The following STOX2 variants were observed in gnomAD, a reference collection of about 807,000 sequenced individuals.
STOX2 encodes the protein storkhead-box protein 2.
In STOX2, 28 loss-of-function variants were observed where a neutral mutation model predicts 60.9. The ratio of observed to expected loss-of-function variants is 0.46; its 90% CI spans 0.34 to 0.63. The LOEUF is 0.63. STOX2 is among the 30% of genes least tolerant of loss of function. The pLI is 0.01. For missense variants in STOX2, 1,024 were observed against 1,187.7 expected (o/e 0.86, Z 2.03); for synonymous variants, 472 against 463.9 (o/e 1.02, Z -0.22).
chr4:183,962,575 G>T (rs74846114), intron 1 of STOX2, among the ~76,000 whole-genome samples: 2,003 of 152,214 alleles, frequency 0.013, 51 homozygotes, highest in African/African-American at 0.046. Context: ...TCAAACTAGC[G>T]TGAATCATTA....
At chr4:183,974,689 C>T (rs1234673855) in intron 1 of STOX2, among the ~76,000 whole-genome samples, 1 of 152,000 alleles carries the variant, frequency 6.6e-6, no homozygotes, top group Non-Finnish European at 1.5e-5. Flanking sequence ...ATGTACCTAA[C>T]AACAAAGTTT....
intron 1 of STOX2, among the ~76,000 whole-genome samples, chr4:183,893,712 G>T (rs1410597687): frequency 6.6e-6 from 1 of 151,574 alleles, no homozygotes; most frequent in Non-Finnish European, 1.5e-5. Flanking sequence ...GATTTTTCCT[G>T]TCTCCCCACT....
intron 1 of STOX2, among the ~76,000 whole-genome samples, chr4:183,889,191 T>G (rs1419007997): frequency 6.6e-6 from 1 of 151,914 alleles, no homozygotes; most frequent in Admixed American, 6.6e-5. Flanking sequence ...AGGACCTTAT[T>G]TGGAAATAGG....
intron 1 of STOX2, among the ~76,000 whole-genome samples, chr4:183,975,854 C>A (rs990826956): frequency 4.6e-5 from 7 of 152,148 alleles, no homozygotes; most frequent in Non-Finnish European, 7.4e-5. Flanking sequence ...CCAAACCAGA[C>A]AAAGTTAGTA....
intron 1 of STOX2, among the ~76,000 whole-genome samples, chr4:183,855,708 A>G (rs1262365831): frequency 2.0e-5 from 3 of 152,248 alleles, no homozygotes; most frequent in African/African-American, 4.8e-5. Context: ...CTAAGTAGGC[A>G]TAGTTGATTT....
chr4:183,966,336 A>G (rs763608627), intron 1 of STOX2, among the ~76,000 whole-genome samples: 6 of 152,276 alleles, frequency 3.9e-5, no homozygotes, highest in Non-Finnish European at 8.8e-5. Flanking sequence ...TTATGAATTT[A>G]GAATCTGCAT....
intron 1 of STOX2, among the ~76,000 whole-genome samples, chr4:183,928,299 C>T (rs575844764): frequency 6.6e-5 from 10 of 152,210 alleles, no homozygotes; most frequent in Admixed American, 5.2e-4. Context: ...TGCTTATAGC[C>T]CCCATGGTCT....
At chr4:183,929,241 G>T (rs1224273516) in intron 1 of STOX2, among the ~76,000 whole-genome samples, 1 of 152,208 alleles carries the variant, frequency 6.6e-6, no homozygotes, top group Non-Finnish European at 1.5e-5. Context: ...GAGACCAAAA[G>T]AGTTCAGAGC....
At position 183,906,899 on chromosome 4, in the gene STOX2, C is replaced by T. The variant is rs1466139193; in HGVS notation, c.109C>T (p.His37Tyr). 4 of 1,550,638 alleles carry T rather than the reference C, an allele frequency of 2.6e-6. No individual in the cohort carries two copies. Among genetic ancestry groups the T allele is most frequent in the Non-Finnish European group, 3.5e-6 (4 of 1,146,448 alleles). ...CCGCAGCGAGAAGGACTACCGCCTG[C>T]ACAAGCGTTTCCCCGCGGCCTTCGC... ...RSRSEKDYRL[H>Y]KRFPAAFAPQ... is the part of the protein sequence containing the mutation. Residue 37 changes from histidine to tyrosine, a missense_variant, in exon 1 of 4, where the codon CAC becomes TAC. Physicochemically the swap from His to Tyr is moderately conservative, Grantham distance 83. Around this residue, in one of 3 missense-constraint regions of STOX2, gnomAD observed 98 missense variants for 110.2 expected, o/e 0.89. Coordinates refer to ENST00000308497, the MANE Select transcript of STOX2 (RefSeq NM_020225.3).
intron 1 of STOX2, among the ~76,000 whole-genome samples, chr4:183,864,834 C>T (rs1740527406): frequency 6.6e-6 from 1 of 152,218 alleles, no homozygotes; most frequent in African/African-American, 2.4e-5. Flanking sequence ...TGTCCCACTA[C>T]CACTTCACTT....
At chr4:183,992,996 G>C (rs1249722423) in intron 1 of STOX2, among the ~76,000 whole-genome samples, 1 of 152,182 alleles carries the variant, frequency 6.6e-6, no homozygotes, top group Non-Finnish European at 1.5e-5. Context: ...TACCTTTTCT[G>C]CTATGCATCT....
chr4:183,833,046 G>A (rs1739612453), intron 1 of STOX2, among the ~76,000 whole-genome samples: 2 of 152,208 alleles, frequency 1.3e-5, no homozygotes, highest in Admixed American at 6.5e-5. Flanking sequence ...ACCAAATATG[G>A]ATTATCCATG....
intron 1 of STOX2, among the ~76,000 whole-genome samples, chr4:183,950,390 A>G (rs1218683371): frequency 1.3e-5 from 2 of 152,206 alleles, no homozygotes; most frequent in Non-Finnish European, 2.9e-5. Context: ...AGGAAATAAA[A>G]CAGGCTGCTA....
At chr4:183,824,667 G>A (rs542514609) in intron 1 of STOX2, among the ~76,000 whole-genome samples, 1 of 152,356 alleles carries the variant, frequency 6.6e-6, no homozygotes, top group East Asian at 1.9e-4. Flanking sequence ...TTTGAGGGAA[G>A]CACAGAGTAA....
upstream of STOX2, among the ~76,000 whole-genome samples, chr4:183,902,956 C>T (rs1012591838): frequency 1.3e-5 from 2 of 152,102 alleles, no homozygotes; most frequent in Non-Finnish European, 2.9e-5. Context: ...AGCTCTTCTC[C>T]CCAAATGTCC....
chr4:183,800,064 G>A (rs7689146), intron 1 of STOX2, among the ~76,000 whole-genome samples: 146,608 of 152,248 alleles, frequency 0.96, 70,675 homozygotes, highest in East Asian at 1. Flanking sequence ...GAACTGCCTG[G>A]GGGGTGGGGT....
At chr4:183,892,367 C>T (rs1056168308) in intron 1 of STOX2, among the ~76,000 whole-genome samples, 7 of 152,184 alleles carry the variant, frequency 4.6e-5, no homozygotes, top group African/African-American at 1.7e-4. Context: ...CAAGCTCCGC[C>T]TCCCGGGTTC....
chr4:183,970,139 C>CGAGTGTGTGT (rs1743697009), intron 1 of STOX2, among the ~76,000 whole-genome samples: 1 of 126,906 alleles, frequency 7.9e-6, no homozygotes, highest in African/African-American at 3.4e-5. Context: ...ACTACATGTA[C>CGAGTGTGTGT]GTGTGTGTGT....
Position 184,001,771 on chromosome 4 carries a change from A to G in STOX2, c.319+294A>G, listed in dbSNP as rs1733606050. 6.6e-6 allele frequency among the ~76,000 whole-genome samples: 1 copy of G among 152,154 alleles called. No homozygotes were observed. The highest frequency in any genetic ancestry group is 1.5e-5 in the Non-Finnish European group (1 of 68,024). ...ACCAGGACTCCAGTCAGTCTTTGCA[A>G]ACTAATCTTTAAATACATGAACGTG... is the stretch of plus-strand genomic sequence containing the variant. On this transcript the variant is annotated intron_variant, in intron 2 of 3. Coordinates refer to ENST00000308497, the MANE Select transcript of STOX2 (RefSeq NM_020225.3). This position sits in a 1 kb window ranked among gnomAD's most constrained non-coding sequence, Gnocchi z 4.2.
Sources: allele counts gnomAD v4.1 joint callset (sites outside exome capture counted in the v4.1 genomes callset), GRCh38; gene constraint gnomAD v4.1.1; regional missense constraint gnomAD v4.1.1; non-coding constraint Gnocchi (gnomAD v3.1); transcripts MANE v1.5; gene names NCBI Gene and HGNC (gene_info 2026-07-23, HGNC 2026-07-21).